The following CLUAP1 variants were observed in gnomAD, a reference collection of about 807,000 sequenced individuals.
The protein encoded by CLUAP1 is clusterin-associated protein 1.
CLUAP1 carries 50 observed loss-of-function variants against 55.0 expected under a neutral mutation model. The observed-to-expected ratio is 0.91, with a 90% CI of 0.72 to 1.15. The LOEUF (loss-of-function observed/expected upper bound fraction) is 1.15, where lower values mean the gene tolerates loss of function less well. Among genes scored for constraint, CLUAP1 ranks in the 50% most tolerant of loss-of-function variants. The pLI is 0.00. For missense variants in CLUAP1, 530 were observed against 507.6 expected, an observed-to-expected ratio of 1.04 and a Z score of -0.42; for synonymous variants, 195 against 175.4, an observed-to-expected ratio of 1.11 and a Z score of -0.88.
At chr16:3,500,302 C>G (rs1303434195), upstream of CLUAP1, among the ~76,000 whole-genome samples, 6 of 152,212 alleles carry the variant, frequency 3.9e-5, no homozygotes. Context: ...GCTCGGCAAC[C>G]AGATTCCGAC....
upstream of CLUAP1, among the ~76,000 whole-genome samples, chr16:3,500,559 C>CG (rs1350309474): frequency 6.6e-6 from 1 of 151,988 alleles, no homozygotes; most frequent in Non-Finnish European, 1.5e-5. Context: ...TTGGTAGAGA[C>CG]GGGGTTTCGC....
upstream of CLUAP1, among the ~76,000 whole-genome samples, chr16:3,496,964 G>A (rs955229047): frequency 1.3e-5 from 2 of 149,894 alleles, no homozygotes; most frequent in African/African-American, 5.0e-5. Context: ...TCCGCCTCCC[G>A]AGTTCAAGAG....
intron 8 of CLUAP1, 111 bp from the exon 9 acceptor site, chr16:3,526,299 GCT>G: frequency 2.0e-6 from 1 of 510,268 alleles, no homozygotes; most frequent in African/African-American, 2.0e-5. Context: ...CTTGAGTTTA[GCT>G]CTTTTTTTGT....
chr16:3,521,864 G>C (rs1334782717), intron 7 of CLUAP1, among the ~76,000 whole-genome samples: 1 of 152,018 alleles, frequency 6.6e-6, no homozygotes. Flanking sequence ...AGACCAGCCT[G>C]GGCAATATGG....
chr16:3,535,848 A>G (rs2038219709), intron 11 of CLUAP1: 3 of 429,122 alleles, frequency 7.0e-6, no homozygotes, highest in Non-Finnish European at 1.3e-5. Flanking sequence ...GCGCAGATGC[A>G]GAGTGCTTCT....
intron 6 of CLUAP1, among the ~76,000 whole-genome samples, chr16:3,518,790 A>G (rs2037776824): frequency 6.6e-6 from 1 of 152,228 alleles, no homozygotes; most frequent in African/African-American, 2.4e-5. Flanking sequence ...ACGCATTGTC[A>G]GTAACAGTGG....
chr16:3,495,657 C>T, the CLUAP1 span, among the ~76,000 whole-genome samples: 1 of 152,222 alleles, frequency 6.6e-6, no homozygotes, highest in Non-Finnish European at 1.5e-5. Flanking sequence ...GTCCCTGGTC[C>T]CTCTGGCTGG....
At chr16:3,501,364 A>T (rs1344126275) in intron 1 of CLUAP1, among the ~76,000 whole-genome samples, 1 of 152,252 alleles carries the variant, frequency 6.6e-6, no homozygotes, top group Non-Finnish European at 1.5e-5. Context: ...CAGATGAATA[A>T]CTGAATTTTT....
At chr16:3,517,135 T>C (rs948742770) in intron 6 of CLUAP1, among the ~76,000 whole-genome samples, 1 of 151,400 alleles carries the variant, frequency 6.6e-6, no homozygotes, top group African/African-American at 2.4e-5. Flanking sequence ...TTTCTTTTTT[T>C]TTTTTTTGAG....
At chr16:3,496,227 G>A, upstream of CLUAP1, 1 of 607,144 alleles carries the variant, frequency 1.6e-6, no homozygotes, top group Non-Finnish European at 3.2e-6. Flanking sequence ...GCCACAAGAA[G>A]GACCTAAAGG....
chr16:3,526,948 G>T (rs1405502602), intron 9 of CLUAP1, among the ~76,000 whole-genome samples: 1 of 152,082 alleles, frequency 6.6e-6, no homozygotes, highest in Non-Finnish European at 1.5e-5. Flanking sequence ...CAGGGAGAGG[G>T]GCCGCTCGCT....
chr16:3,516,412 G>A (rs1373290703), intron 6 of CLUAP1, among the ~76,000 whole-genome samples: 1 of 152,096 alleles, frequency 6.6e-6, no homozygotes, highest in Non-Finnish European at 1.5e-5. Context: ...CCCAGCCTAG[G>A]GAGTCAGAGC....
chr16:3,515,610 T>A lies in CLUAP1; in HGVS notation c.579+19T>A, dbSNP rs759055039. The A allele has an allele frequency of 6.5e-7, 1 of 1,530,524 alleles. No individual in the cohort carries two copies. Among genetic ancestry groups the A allele is most frequent in the Non-Finnish European group, 8.9e-7 (1 of 1,125,502 alleles). 94.8% of individuals were successfully genotyped at this position (1,530,524 alleles called of 1,614,324 possible). On this transcript the variant is annotated intron_variant, in intron 6 of 11. Transcript: ENST00000576634. Reference sequence around the variant, plus strand: ...GATTTTGGTAAGATGACTTTGCTTTTATATAATGTTTTTTATGCCTGGGAT... The same window carrying A: ...GATTTTGGTAAGATGACTTTGCTTTAATATAATGTTTTTTATGCCTGGGAT...
In CLUAP1 at chr16:3,530,601, A is replaced by C. The variant is rs2038094765; in HGVS notation, c.962A>C (p.Asp321Ala). The change falls in exon 10 of 12, where the codon GAC becomes GCC. Residue 321 changes from aspartate to alanine, a missense_variant. Coordinates refer to ENST00000576634, the MANE Select transcript of CLUAP1 (RefSeq NM_015041.3). ...NDDSDIDIQE[D>A]DESDSELEER... ...GACTCGGACATAGACATCCAGGAGG[A>C]CGATGAATCCGACAGTGAGTTGGAA... 6.2e-7 allele frequency: 1 copy of C among 1,613,874 alleles called. No homozygotes were observed. The highest frequency in any genetic ancestry group is 8.5e-7 in the Non-Finnish European group (1 of 1,179,980).
upstream of CLUAP1, chr16:3,500,828 G>A (rs1596379283): frequency 1.2e-5 from 7 of 567,678 alleles, no homozygotes; most frequent in East Asian, 2.1e-4. Context: ...GAAGCTTGCA[G>A]CCCTCATAGA....
chr16:3,495,479 C>T, the CLUAP1 span: 5 of 1,586,054 alleles, frequency 3.2e-6, no homozygotes, highest in Admixed American at 5.3e-5. Flanking sequence ...GGGCCCTGCT[C>T]TCCCCTGCCT....
intron 1 of CLUAP1, among the ~76,000 whole-genome samples, chr16:3,502,498 G>T (rs1402263932): frequency 1.3e-5 from 2 of 150,680 alleles, no homozygotes; most frequent in Non-Finnish European, 2.9e-5. Context: ...GGTGTGATCC[G>T]AGGGGTCTCT....
chr16:3,517,475 T>C (rs754202379), intron 6 of CLUAP1, among the ~76,000 whole-genome samples: 8 of 151,520 alleles, frequency 5.3e-5, no homozygotes, highest in Non-Finnish European at 1.2e-4. Flanking sequence ...CCCAGCTAAT[T>C]TTTGTTTTTT....
intron 1 of CLUAP1, among the ~76,000 whole-genome samples, chr16:3,504,129 T>C (rs1436217968): frequency 6.6e-6 from 1 of 152,246 alleles, no homozygotes; most frequent in Non-Finnish European, 1.5e-5. Flanking sequence ...TAATCTGTTT[T>C]ATAGTAAATC....
Sources: gnomAD v4.1 joint callset for allele counts (sites outside exome capture counted in the v4.1 genomes callset) on GRCh38, gnomAD v4.1.1 for gene constraint, MANE v1.5 for transcripts, NCBI Gene and HGNC (gene_info 2026-07-23, HGNC 2026-07-21) for gene names.